GBA2: variants seen among roughly 807,000 people sequenced by gnomAD.
The protein encoded by GBA2 is non-lysosomal glucosylceramidase.
In GBA2, 79 loss-of-function variants were observed where a neutral mutation model predicts 112.9. That is an observed-to-expected ratio of 0.70 (90% CI 0.58 to 0.84). The LOEUF (loss-of-function observed/expected upper bound fraction) is 0.84. Ranked by LOEUF, GBA2 falls within the 40% of genes least tolerant of loss-of-function variation. GBA2 has a pLI of 0.00. For missense variants in GBA2, 1,043 were observed against 1,190.0 expected (o/e 0.88, Z 1.82); for synonymous variants, 403 against 434.3 (o/e 0.93, Z 0.90).
Position 35,737,713 on chromosome 9 carries a change from C to G in GBA2, c.2505+35G>C. The G allele has an allele frequency of 6.2e-7, 1 of 1,611,328 alleles. No individual in the cohort carries two copies. The highest frequency in any genetic ancestry group is 8.5e-7 in the Non-Finnish European group (1 of 1,177,396). ...TGAGGAAGTTTTCTGGGCCAGGATA[C>G]AGATGGTGGAGAGATGGGAAAAGGA... On this transcript the variant is annotated intron_variant, in intron 16 of 16. Transcript: ENST00000378103. This position sits in a 1 kb window ranked among gnomAD's most constrained non-coding sequence, Gnocchi z 4.1.
At position 35,738,326 on chromosome 9, in the gene GBA2, C is replaced by G; in HGVS notation, c.2103G>C (p.Gln701His). 2 of 1,614,204 alleles carry G rather than the reference C, an allele frequency of 1.2e-6. No individual in the cohort carries two copies. Among genetic ancestry groups the G allele is most frequent in the Non-Finnish European group, 1.7e-6 (2 of 1,180,014 alleles). The change falls in exon 14 of 17, where the codon CAG becomes CAC. Residue 701 changes from glutamine to histidine, a missense_variant. Gln to His is a conservative substitution (Grantham distance 24). Transcript: ENST00000378103. ...LWLAAVAVMV[Q>H]MAALCGAQDI... ...CCTGTGCCCCACACAGAGCAGCCAT[C>G]TGGACCATCACAGCCACAGCTGCCA...
chr9:35,741,323 TTC>T lies in GBA2; in HGVS notation c.787-261_787-260del, dbSNP rs949535008. ...ACCTCCCTTTCACAGGCCATGCAGT[TTC>T]TTTTTTTTTTTTTTTGGGGGGTGCG... On this transcript the variant is annotated intron_variant, in intron 4 of 16. Transcript: ENST00000378103. This position sits in a 1 kb window ranked among gnomAD's most constrained non-coding sequence, Gnocchi z 4.6. 3.7e-6 allele frequency: 2 copies of T among 540,122 alleles called. No homozygotes were observed. Among genetic ancestry groups the T allele is most frequent in the South Asian group, 2.5e-5 (1 of 40,360 alleles). 33.5% of individuals were successfully genotyped at this position (540,122 alleles called of 1,614,324 possible).
chr9:35,748,838 T>G lies in GBA2; in HGVS notation c.-134A>C. 1.6e-6 allele frequency: 1 copy of G among 618,778 alleles called. No individual in the cohort carries two copies. The highest frequency in any genetic ancestry group is 2.3e-5 in the South Asian group (1 of 42,808). The allele number at this position is 618,778 out of a possible 1,614,324, so 38.3% of individuals were successfully genotyped here. A position where few individuals can be genotyped will look rare whatever the true frequency, so the allele number is the denominator to read the frequency against. On this transcript the variant is annotated 5_prime_UTR_variant, in exon 1 of 17. Coordinates refer to ENST00000378103, the MANE Select transcript of GBA2 (RefSeq NM_020944.3). ...TGGGGAAAGCTTAAATGAGCTGGTG[T>G]TTCAGTGGAGCCGGGGAGCTCTTGC... is the stretch of plus-strand genomic sequence containing the variant.
Position 35,748,757 on chromosome 9 carries a change from C to T in GBA2, c.-53G>A. The T allele has an allele frequency of 8.6e-7, 1 of 1,162,706 alleles. No homozygotes were observed. The highest frequency in any genetic ancestry group is 3.0e-4 in the Middle Eastern group (1 of 3,376). 72.0% of individuals were successfully genotyped at this position (1,162,706 alleles called of 1,614,324 possible). A position where few individuals can be genotyped will look rare whatever the true frequency, so the allele number is the denominator to read the frequency against. On this transcript the variant is annotated 5_prime_UTR_variant, in exon 1 of 17. Transcript: ENST00000378103. ...CTCGGATACTAAGTATCTCGCCAGCCTATTCCAGATGCGGGCGCCGGTCGT... is the reference window on the plus strand; with the variant it reads ...CTCGGATACTAAGTATCTCGCCAGCTTATTCCAGATGCGGGCGCCGGTCGT...
chr9:35,742,358 ACT>A (rs1826740683), intron 3 of GBA2, among the ~76,000 whole-genome samples: 2 of 151,970 alleles, frequency 1.3e-5, no homozygotes, highest in African/African-American at 4.8e-5. Context: ...ATATAAAAAC[ACT>A]CACTGTTCCT....
At position 35,737,064 on chromosome 9, in the gene GBA2, A is replaced by G. The variant is rs1826248776; in HGVS notation, c.*105T>C. On this transcript the variant is annotated 3_prime_UTR_variant, in exon 17 of 17. Coordinates refer to ENST00000378103, the MANE Select transcript of GBA2 (RefSeq NM_020944.3). This position sits in a 1 kb window ranked among gnomAD's most constrained non-coding sequence, Gnocchi z 4.1. ...ATTGGGTGGAGAGAAGGGAAGGGGTATGATTGTCCTGATGGCTCAGGGTTG... is the reference window on the plus strand; with the variant it reads ...ATTGGGTGGAGAGAAGGGAAGGGGTGTGATTGTCCTGATGGCTCAGGGTTG... 2 of 1,504,782 alleles carry G rather than the reference A, an allele frequency of 1.3e-6. No homozygotes were observed. The highest frequency in any genetic ancestry group is 2.3e-5 in the East Asian group (1 of 44,136). The allele number at this position is 1,504,782 out of a possible 1,614,324, so 93.2% of individuals were successfully genotyped here.
At position 35,740,668 on chromosome 9, in the gene GBA2, GTACACT is replaced by G; in HGVS notation, c.1027-46_1027-41del. ...GGGACTGTGAGGGCAGGCTCCACGA[GTACACT>G]GGGTCCCGGCTAGCTCCCCAGCTCC... is the stretch of plus-strand genomic sequence containing the variant. On this transcript the variant is annotated intron_variant, in intron 5 of 16. Transcript: ENST00000378103. This position sits in a 1 kb window ranked among gnomAD's most constrained non-coding sequence, Gnocchi z 4.7. 1 of 1,544,858 alleles carries G rather than the reference GTACACT, an allele frequency of 6.5e-7. No homozygotes were observed. Among genetic ancestry groups the G allele is most frequent in the African/African-American group, 1.4e-5 (1 of 73,668 alleles).
In GBA2 at chr9:35,748,834, G is replaced by A; in HGVS notation, c.-130C>T. On this transcript the variant is annotated 5_prime_UTR_variant, in exon 1 of 17. Coordinates refer to ENST00000378103, the MANE Select transcript of GBA2 (RefSeq NM_020944.3). The stretch of plus-strand genomic sequence containing the variant: ...GCGTTGGGGAAAGCTTAAATGAGCT[G>A]GTGTTTCAGTGGAGCCGGGGAGCTC... 1 of 630,358 alleles carries A rather than the reference G, an allele frequency of 1.6e-6. No homozygotes were observed. The highest frequency in any genetic ancestry group is 2.8e-6 in the Non-Finnish European group (1 of 361,568). 39.0% of individuals were successfully genotyped at this position (630,358 alleles called of 1,614,324 possible). A position where few individuals can be genotyped will look rare whatever the true frequency, so the allele number is the denominator to read the frequency against.
Position 35,738,050 on chromosome 9 carries a change from T to C in GBA2, c.2300A>G (p.Glu767Gly), listed in dbSNP as rs775468187. 6.2e-7 allele frequency: 1 copy of C among 1,609,414 alleles called. No individual in the cohort carries two copies. Among genetic ancestry groups the C allele is most frequent in the East Asian group, 2.2e-5 (1 of 44,796 alleles). ...CTCCTCTCTCACCTCAGTGTCTCCT[T>C]CTCCTAGGCCACAGGCCTTCAGGAA... ...QWFLKACGLG[E>G]GDTEVFPTQH... The change falls in exon 15 of 17, where the codon GAA becomes GGA. Residue 767 changes from glutamate (E) to glycine (G), a missense_variant. Coordinates refer to ENST00000378103, the MANE Select transcript of GBA2 (RefSeq NM_020944.3).
rs749108718 is a variant in GBA2 at position 35,740,581 on chromosome 9, C to T, written c.1074G>A (p.Thr358=). 7 of 1,614,046 alleles carry T rather than the reference C, an allele frequency of 4.3e-6. No homozygotes were observed. The highest frequency in any genetic ancestry group is 4.5e-5 in the East Asian group (2 of 44,878). The change falls in exon 6 of 17, where the codon ACG becomes ACA. Residue 358 remains threonine, a synonymous_variant. Coordinates refer to ENST00000378103, the MANE Select transcript of GBA2 (RefSeq NM_020944.3). This position sits in a 1 kb window ranked among gnomAD's most constrained non-coding sequence, Gnocchi z 4.7. The part of the protein sequence containing the change: ...THITAFDPDS[T]GQQVWQDLLQ... ...GTAGATCCTGCCACACCTGCTGCCCCGTGCTGTCAGGGTCAAAGGCTGTGA... is the reference window on the plus strand; with the variant it reads ...GTAGATCCTGCCACACCTGCTGCCCTGTGCTGTCAGGGTCAAAGGCTGTGA...
At position 35,740,210 on chromosome 9, in the gene GBA2, T is replaced by C; in HGVS notation, c.1282A>G (p.Arg428Gly). The C allele has an allele frequency of 6.2e-7, 1 of 1,614,108 alleles. No homozygotes were observed. Among genetic ancestry groups the C allele is most frequent in the Non-Finnish European group, 8.5e-7 (1 of 1,179,986 alleles). ...MFGAKGQVHYRRYTRFFGQDG... is the reference protein window; with the variant it reads ...MFGAKGQVHYGRYTRFFGQDG... The stretch of plus-strand genomic sequence containing the variant: ...CTTACACTTTCTTGGTCCCCTCACC[T>C]GTAGTGGACTTGGCCTTTAGCTCCA... Residue 428 changes from arginine (R) to glycine (G), a missense_variant and splice_region_variant, in exon 7 of 17, where the codon AGG (arginine) becomes GGG (glycine). Transcript: ENST00000378103. The surrounding 1 kb of genome is among the most constrained non-coding windows in gnomAD (Gnocchi z 4.7).
rs1329509871 is a variant in GBA2, at chr9:35,741,411, C to T, written c.786+261G>A. The T allele has an allele frequency of 1.9e-6, 1 of 532,972 alleles. No homozygotes were observed. The highest frequency in any genetic ancestry group is 3.3e-5 in the East Asian group (1 of 30,306). 33.0% of individuals were successfully genotyped at this position (532,972 alleles called of 1,614,324 possible). A position where few individuals can be genotyped will look rare whatever the true frequency, so the allele number is the denominator to read the frequency against. On this transcript the variant is annotated intron_variant, in intron 4 of 16. Coordinates refer to ENST00000378103, the MANE Select transcript of GBA2 (RefSeq NM_020944.3). This position sits in a 1 kb window ranked among gnomAD's most constrained non-coding sequence, Gnocchi z 4.6. Reference sequence around the variant, plus strand: ...CCGGGTTCACACCATTATCCTGCCTCAGCCTCCCGAGTAGCTGGGACTACA... The same window carrying T: ...CCGGGTTCACACCATTATCCTGCCTTAGCCTCCCGAGTAGCTGGGACTACA...
chr9:35,740,058 C>T lies in GBA2; in HGVS notation c.1349G>A (p.Cys450Tyr), dbSNP rs1374033198. The T allele has an allele frequency of 2.5e-6, 4 of 1,613,978 alleles. No individual in the cohort carries two copies. The highest frequency in any genetic ancestry group is 3.4e-6 in the Non-Finnish European group (4 of 1,180,000). The stretch of plus-strand genomic sequence containing the variant: ...CCTCTCTTCCCACTCTGCGTATCGG[C>T]ACAGTGCATAGTGGCTGAGGGCAGG... ...AAPALSHYAL[C>Y]RYAEWEERIS... The change falls in exon 8 of 17, where the codon TGC becomes TAC. Residue 450 changes from cysteine (C) to tyrosine (Y), a missense_variant. By Grantham distance (194) the Cys-to-Tyr change is radical. Coordinates refer to ENST00000378103, the MANE Select transcript of GBA2 (RefSeq NM_020944.3). This position sits in a 1 kb window ranked among gnomAD's most constrained non-coding sequence, Gnocchi z 4.7.
At chr9:35,743,345 A>G (rs1826805357) in intron 3 of GBA2, 1 of 153,776 alleles carries the variant, frequency 6.5e-6, no homozygotes, top group Admixed American at 6.5e-5. Flanking sequence ...TGAGCATAAT[A>G]GTGGTACTTC....
At chr9:35,745,082 T>C (rs1826906179) in intron 1 of GBA2, among the ~76,000 whole-genome samples, 1 of 152,196 alleles carries the variant, frequency 6.6e-6, no homozygotes, top group African/African-American at 2.4e-5. Flanking sequence ...AAAACAGGCA[T>C]AGGCTGCTGG....
chr9:35,747,098 TCTC>T (rs1385143034), intron 1 of GBA2, among the ~76,000 whole-genome samples: 3 of 152,084 alleles, frequency 2.0e-5, no homozygotes, highest in Non-Finnish European at 2.9e-5. Context: ...ACCTGTGCTT[TCTC>T]CTCATAGGAA....
intron 1 of GBA2, among the ~76,000 whole-genome samples, chr9:35,745,660 C>T (rs1227412734): frequency 6.6e-6 from 1 of 151,716 alleles, no homozygotes; most frequent in African/African-American, 2.4e-5. Flanking sequence ...AGCCCTATAT[C>T]CAAGAGGCAA....
Position 35,737,922 on chromosome 9 carries a change from A to C in GBA2, c.2331T>G (p.His777Gln), listed in dbSNP as rs777387371. 4 of 1,611,510 alleles carry C rather than the reference A, an allele frequency of 2.5e-6. No individual in the cohort carries two copies. The South Asian group carries it at 4.4e-5, about 18-fold the overall frequency. Residue 777 changes from histidine to glutamine, a missense_variant, in exon 16 of 17, where the codon CAT becomes CAG. By Grantham distance (24) the His-to-Gln change is conservative. Coordinates refer to ENST00000378103, the MANE Select transcript of GBA2 (RefSeq NM_020944.3). This position sits in a 1 kb window ranked among gnomAD's most constrained non-coding sequence, Gnocchi z 4.1. ...AGATAGTTTGGAGAGCACGGACCAC[A>C]TGTTGGGTAGGAAACACCTGGAGGG... ...EGDTEVFPTQ[H>Q]VVRALQTIFE...
chr9:35,737,073 C>A lies in GBA2; in HGVS notation c.*96G>T. 1 of 1,523,002 alleles carries A rather than the reference C, an allele frequency of 6.6e-7. No homozygotes were observed. Among genetic ancestry groups the A allele is most frequent in the African/African-American group, 1.4e-5 (1 of 72,638 alleles). 94.3% of individuals were successfully genotyped at this position (1,523,002 alleles called of 1,614,324 possible). A position where few individuals can be genotyped will look rare whatever the true frequency, so the allele number is the denominator to read the frequency against. On this transcript the variant is annotated 3_prime_UTR_variant, in exon 17 of 17. Transcript: ENST00000378103. The surrounding 1 kb of genome is among the most constrained non-coding windows in gnomAD (Gnocchi z 4.1). ...AGAGAAGGGAAGGGGTATGATTGTC[C>A]TGATGGCTCAGGGTTGCAGGAGGTT...
Sources: allele counts gnomAD v4.1 joint callset (sites outside exome capture counted in the v4.1 genomes callset), GRCh38; gene constraint gnomAD v4.1.1; non-coding constraint Gnocchi (gnomAD v3.1); transcripts MANE v1.5; gene names NCBI Gene and HGNC (gene_info 2026-07-23, HGNC 2026-07-21).